Variants in GABRB2 observed in about 807,000 individuals in gnomAD.
The protein encoded by GABRB2 is gamma-aminobutyric acid receptor subunit beta-2.
GABRB2 carries 16 observed loss-of-function variants against 54.7 expected under a neutral mutation model. The observed-to-expected ratio is 0.29, with a 90% confidence interval of 0.20 to 0.44. The LOEUF (loss-of-function observed/expected upper bound fraction) is 0.44. GABRB2 is among the 20% of genes least tolerant of loss of function. GABRB2 has a pLI of 1.00. For synonymous variants in GABRB2, 244 were observed against 233.8 expected (o/e 1.04, Z -0.40); for missense variants, 355 against 644.0 (o/e 0.55, Z 4.86).
chr5:161,408,186 T>C (rs1756401223), intron 5 of GABRB2, among the ~76,000 whole-genome samples: 1 of 152,046 alleles, frequency 6.6e-6, no homozygotes. Context: ...AGTGCTGGCG[T>C]GACACTCAAA....
chr5:161,338,133 A>C (rs1433395314), intron 5 of GABRB2, among the ~76,000 whole-genome samples: 1 of 152,094 alleles, frequency 6.6e-6, no homozygotes, highest in Non-Finnish European at 1.5e-5. Flanking sequence ...TTTTCAAAGA[A>C]GTAGGATACC....
intron 3 of GABRB2, among the ~76,000 whole-genome samples, chr5:161,472,928 A>G (rs187594028): frequency 6.6e-6 from 1 of 152,094 alleles, no homozygotes; most frequent in Non-Finnish European, 1.5e-5. Context: ...GACTTTTACC[A>G]ATTTCATGTG....
At chr5:161,435,007 T>C (rs566132168) in intron 4 of GABRB2, among the ~76,000 whole-genome samples, 1 of 152,266 alleles carries the variant, frequency 6.6e-6, no homozygotes, top group South Asian at 2.1e-4. Flanking sequence ...CACAATGCGG[T>C]GTTATATAGA....
chr5:161,399,922 A>T (rs1756131187), intron 5 of GABRB2, among the ~76,000 whole-genome samples: 1 of 152,140 alleles, frequency 6.6e-6, no homozygotes, highest in East Asian at 1.9e-4. Flanking sequence ...GGTAGTTACT[A>T]CTGATGGTGA....
chr5:161,321,346 C>T (rs1263837199), intron 9 of GABRB2, among the ~76,000 whole-genome samples: 4 of 152,056 alleles, frequency 2.6e-5, no homozygotes, highest in Non-Finnish European at 2.9e-5. Flanking sequence ...TCTGCTGTTT[C>T]GCTGTTCTTA....
chr5:161,326,376 G>C lies in GABRB2; in HGVS notation c.1183C>G (p.Leu395Val), dbSNP rs775012293. The stretch of plus-strand genomic sequence containing the variant: ...AAAACTGGCTATCTAACCGTATACA[G>C]AGAGAAATCGTAATTGGTAGTCCGT... The part of the protein sequence containing the change: ...TRRTTNYDFS[L>V]YTMDPHENIL... The change falls in exon 9 of 10, where the codon CTG becomes GTG. Residue 395 changes from leucine to valine, a missense_variant. This residue lies in a region of GABRB2 where 201 missense variants were observed against 228.1 expected (regional missense o/e 0.88). Coordinates refer to ENST00000393959, the MANE Select transcript of GABRB2 (RefSeq NM_001371727.1). 2 of 1,613,540 alleles carry C rather than the reference G, an allele frequency of 1.2e-6. No homozygotes were observed. Among genetic ancestry groups the C allele is most frequent in the Non-Finnish European group, 1.7e-6 (2 of 1,179,588 alleles).
intron 5 of GABRB2, among the ~76,000 whole-genome samples, chr5:161,379,754 C>T (rs1755411939): frequency 6.6e-6 from 1 of 152,012 alleles, no homozygotes; most frequent in Non-Finnish European, 1.5e-5. Flanking sequence ...GAGCTTCATT[C>T]CTTGGTTGAA....
chr5:161,299,707 C>T (rs922364662), intron 9 of GABRB2, among the ~76,000 whole-genome samples: 2 of 151,882 alleles, frequency 1.3e-5, no homozygotes, highest in Non-Finnish European at 2.9e-5. Flanking sequence ...CTCTTTCTTT[C>T]TTAAGCCAGT....
chr5:161,339,199 A>C (rs546279752), intron 5 of GABRB2, among the ~76,000 whole-genome samples: 1 of 152,290 alleles, frequency 6.6e-6, no homozygotes, highest in South Asian at 2.1e-4. Flanking sequence ...TTATTACATA[A>C]ACATGAAAAA....
rs571749717 is a variant in GABRB2 at position 161,428,163 on chromosome 5, T to C, written c.459-17106A>G. On this transcript the variant is annotated intron_variant, in intron 4 of 9. Coordinates refer to ENST00000393959, the MANE Select transcript of GABRB2 (RefSeq NM_001371727.1). ...TTAGGCTAGTGGCTCCTAAATCCTTTGTTTTGTTTTGTTTTTTGTAGTTGC... is the reference window on the plus strand; with the variant it reads ...TTAGGCTAGTGGCTCCTAAATCCTTCGTTTTGTTTTGTTTTTTGTAGTTGC... Among the ~76,000 whole-genome samples, 12 of 152,244 alleles carry C rather than the reference T, an allele frequency of 7.9e-5. No homozygotes were observed. The South Asian group carries it at 2.1e-3, about 26-fold the overall frequency.
chr5:161,419,353 G>A (rs932385569), intron 4 of GABRB2, among the ~76,000 whole-genome samples: 8 of 152,180 alleles, frequency 5.3e-5, no homozygotes, highest in African/African-American at 1.9e-4. Flanking sequence ...CTTATACACT[G>A]TTGGTGGGAA....
At chr5:161,435,954 A>G (rs1345077169) in intron 4 of GABRB2, among the ~76,000 whole-genome samples, 3 of 152,330 alleles carry the variant, frequency 2.0e-5, no homozygotes, top group Admixed American at 2.0e-4. Flanking sequence ...GTATCTTCCA[A>G]TATAAAGAGG....
Position 161,293,922 on chromosome 5 carries a change from C to G in GABRB2, c.*159G>C, listed in dbSNP as rs1757303204. 1.6e-6 allele frequency: 1 copy of G among 624,218 alleles called. No individual in the cohort carries two copies. The highest frequency in any genetic ancestry group is 1.8e-5 in the African/African-American group (1 of 54,366). 38.7% of individuals were successfully genotyped at this position (624,218 alleles called of 1,614,324 possible). A position where few individuals can be genotyped will look rare whatever the true frequency, so the allele number is the denominator to read the frequency against. Reference sequence around the variant, plus strand: ...TAGTGTATTCATTACTTAGCAGAAGCAACCCAAATGGTATGAAATGGACCA... The same window carrying G: ...TAGTGTATTCATTACTTAGCAGAAGGAACCCAAATGGTATGAAATGGACCA... On this transcript the variant is annotated 3_prime_UTR_variant, in exon 10 of 10. Transcript: ENST00000393959.
chr5:161,430,168 G>A (rs545833322), intron 4 of GABRB2, among the ~76,000 whole-genome samples: 1 of 152,012 alleles, frequency 6.6e-6, no homozygotes, highest in East Asian at 1.9e-4. Flanking sequence ...GTTAGCTAGA[G>A]GTTAGCAATG....
At chr5:161,400,008 A>G (rs2113075330) in intron 5 of GABRB2, among the ~76,000 whole-genome samples, 1 of 152,292 alleles carries the variant, frequency 6.6e-6, no homozygotes, top group Admixed American at 6.5e-5. Context: ...TCTGGAGGCT[A>G]TCATGAAGAA....
Position 161,546,697 on chromosome 5 carries a change from T to C in GABRB2, c.-54A>G. 6.4e-7 allele frequency: 1 copy of C among 1,554,592 alleles called. No individual in the cohort carries two copies. The highest frequency in any genetic ancestry group is 1.4e-5 in the African/African-American group (1 of 73,464). ...TTCACTGAAGAGAGGAGATCCAACT[T>C]AGTCTGCCCAGTGCAGTAATTCTAA... On this transcript the variant is annotated 5_prime_UTR_variant, in exon 1 of 10. Coordinates refer to ENST00000393959, the MANE Select transcript of GABRB2 (RefSeq NM_001371727.1).
At chr5:161,440,286 A>T (rs1360534309) in intron 4 of GABRB2, among the ~76,000 whole-genome samples, 2 of 152,094 alleles carry the variant, frequency 1.3e-5, no homozygotes, top group East Asian at 3.9e-4. Context: ...TCCAATCAAA[A>T]CACATTACTG....
intron 5 of GABRB2, among the ~76,000 whole-genome samples, chr5:161,365,737 T>C (rs747626525): frequency 1.1e-4 from 17 of 152,192 alleles, no homozygotes; most frequent in Non-Finnish European, 2.2e-4. Context: ...TGCCTGTTTA[T>C]CTCCAAAGCA....
intron 4 of GABRB2, among the ~76,000 whole-genome samples, chr5:161,448,184 A>T (rs964770559): frequency 4.7e-4 from 71 of 152,122 alleles, no homozygotes; most frequent in African/African-American, 1.5e-3. Flanking sequence ...GCACTTTGGG[A>T]GGCCAAGACA....
Sources: allele counts gnomAD v4.1 joint callset (sites outside exome capture counted in the v4.1 genomes callset), GRCh38; gene constraint gnomAD v4.1.1; regional missense constraint gnomAD v4.1.1; transcripts MANE v1.5; gene names NCBI Gene and HGNC (gene_info 2026-07-23, HGNC 2026-07-21).